The following TRABD2B variants were observed in gnomAD, a reference collection of about 807,000 sequenced individuals.
The protein encoded by TRABD2B is metalloprotease TIKI2.
TRABD2B carries 14 observed loss-of-function variants against 40.1 expected under a neutral mutation model. That is an observed-to-expected ratio of 0.35 (90% CI 0.23 to 0.55). The LOEUF is 0.55. Ranked by LOEUF, TRABD2B falls within the 20% of genes least tolerant of loss-of-function variation. The pLI is 0.90. For synonymous variants in TRABD2B, 263 were observed against 277.0 expected (o/e 0.95, Z 0.50); for missense variants, 541 against 648.6 (o/e 0.83, Z 1.80).
chr1:47,869,164 A>G (rs1644104912), intron 2 of TRABD2B, among the ~76,000 whole-genome samples: 2 of 152,196 alleles, frequency 1.3e-5, no homozygotes, highest in Admixed American at 1.3e-4. Context: ...CCTTGAGGGT[A>G]GGAACTGTCT....
intron 2 of TRABD2B, among the ~76,000 whole-genome samples, chr1:47,864,069 A>T (rs906226455): frequency 1.3e-5 from 2 of 152,220 alleles, no homozygotes; most frequent in East Asian, 3.8e-4. Context: ...GGAAACAATA[A>T]AAAGATCAGT....
chr1:47,886,061 G>A (rs1005482008), intron 2 of TRABD2B, among the ~76,000 whole-genome samples: 2 of 152,116 alleles, frequency 1.3e-5, no homozygotes, highest in African/African-American at 4.8e-5. Context: ...GAGAAACTGC[G>A]AAGTTCACTG....
At position 47,761,892 on chromosome 1, in the gene TRABD2B, CCTTT is replaced by C. The variant is rs1644247730; in HGVS notation, c.*4006_*4009del. 1 of 152,418 alleles carries C rather than the reference CCTTT, an allele frequency of 6.6e-6. No individual in the cohort carries two copies. Among genetic ancestry groups the C allele is most frequent in the East Asian group, 1.9e-4 (1 of 5,180 alleles). The allele number at this position is 152,418 out of a possible 1,614,324, so 9.4% of individuals were successfully genotyped here. A position where few individuals can be genotyped will look rare whatever the true frequency, so the allele number is the denominator to read the frequency against. ...CCCCTTCCTTCAGCTTCCTTCCCTT[CCTTT>C]CTCTCTCTACACATCTGTTGAGCAC... On this transcript the variant is annotated 3_prime_UTR_variant, in exon 7 of 7. Transcript: ENST00000606738.
intron 2 of TRABD2B, among the ~76,000 whole-genome samples, chr1:47,949,534 G>A (rs1458406210): frequency 1.3e-5 from 2 of 149,308 alleles, no homozygotes; most frequent in African/African-American, 4.9e-5. Flanking sequence ...CAGCCTTCCA[G>A]GTAGCTGGGA....
At chr1:47,822,237 C>T (rs751957890) in intron 2 of TRABD2B, among the ~76,000 whole-genome samples, 4 of 152,158 alleles carry the variant, frequency 2.6e-5, no homozygotes, top group Non-Finnish European at 5.9e-5. Flanking sequence ...CTACACATTG[C>T]TTTGGGCTCT....
At chr1:47,957,976 A>T (rs1393365337) in intron 2 of TRABD2B, among the ~76,000 whole-genome samples, 11 of 152,218 alleles carry the variant, frequency 7.2e-5, no homozygotes, top group Admixed American at 5.2e-4. Context: ...CGGGTTACCC[A>T]CAAAGGGAAG....
At chr1:47,918,076 T>C (rs939506142) in intron 2 of TRABD2B, among the ~76,000 whole-genome samples, 6 of 152,232 alleles carry the variant, frequency 3.9e-5, no homozygotes, top group African/African-American at 1.4e-4. Context: ...GAAAGCCTCC[T>C]ATGTACTCTG....
intron 2 of TRABD2B, among the ~76,000 whole-genome samples, chr1:47,976,712 G>A (rs1189180088): frequency 6.6e-6 from 1 of 152,186 alleles, no homozygotes; most frequent in Non-Finnish European, 1.5e-5. Flanking sequence ...GAGGTAGATA[G>A]GGATGGAATT....
At chr1:47,826,086 T>C (rs1383356530) in intron 2 of TRABD2B, among the ~76,000 whole-genome samples, 2 of 152,100 alleles carry the variant, frequency 1.3e-5, no homozygotes, top group African/African-American at 4.8e-5. Context: ...GCAAGTGAGG[T>C]TGGAAGGTCG....
intron 2 of TRABD2B, among the ~76,000 whole-genome samples, chr1:47,812,638 G>A (rs971828936): frequency 3.3e-5 from 5 of 152,314 alleles, no homozygotes; most frequent in Middle Eastern, 3.4e-3. Flanking sequence ...AGGATTGCCT[G>A]AGGCCAGGAG....
intron 2 of TRABD2B, among the ~76,000 whole-genome samples, chr1:47,982,041 T>C (rs1645848275): frequency 1.3e-5 from 2 of 152,186 alleles, no homozygotes; most frequent in Non-Finnish European, 2.9e-5. Flanking sequence ...CAGAGAGTAG[T>C]GGGAGACCAC....
chr1:47,763,743 A>G lies in TRABD2B; in HGVS notation c.*2159T>C, dbSNP rs1178795940. 6.6e-6 allele frequency: 1 copy of G among 152,244 alleles called. No homozygotes were observed. Among genetic ancestry groups the G allele is most frequent in the African/African-American group, 2.4e-5 (1 of 41,470 alleles). The allele number at this position is 152,244 out of a possible 1,614,324, so 9.4% of individuals were successfully genotyped here. ...TCTCACGCCATACTCTGCCCCAAACAGAGAGGAATCTGGCCTGTGTGCTTC... is the reference window on the plus strand; with the variant it reads ...TCTCACGCCATACTCTGCCCCAAACGGAGAGGAATCTGGCCTGTGTGCTTC... On this transcript the variant is annotated 3_prime_UTR_variant, in exon 7 of 7. Transcript: ENST00000606738.
At chr1:47,909,581 AGG>A (rs1644729010) in intron 2 of TRABD2B, among the ~76,000 whole-genome samples, 1 of 144,924 alleles carries the variant, frequency 6.9e-6, no homozygotes, top group Non-Finnish European at 1.5e-5. Context: ...GAGGAGGAGG[AGG>A]AGGAGGAGGA....
At chr1:47,882,013 C>A (rs894317688) in intron 2 of TRABD2B, among the ~76,000 whole-genome samples, 2 of 152,330 alleles carry the variant, frequency 1.3e-5, no homozygotes, top group East Asian at 3.9e-4. Flanking sequence ...CAACAGTAAT[C>A]CCTGCCATGT....
intron 2 of TRABD2B, among the ~76,000 whole-genome samples, chr1:47,823,696 A>G: frequency 6.6e-6 from 1 of 152,178 alleles, no homozygotes; most frequent in East Asian, 1.9e-4. Flanking sequence ...GCTGAACAGG[A>G]AGGCAGAGAC....
intron 2 of TRABD2B, among the ~76,000 whole-genome samples, chr1:47,830,494 C>T (rs1273947707): frequency 2.6e-5 from 4 of 152,210 alleles, no homozygotes; most frequent in African/African-American, 9.7e-5. Context: ...AGCCAAAGCA[C>T]CTTCATTCTC....
intron 2 of TRABD2B, among the ~76,000 whole-genome samples, chr1:47,856,556 C>A (rs534265493): frequency 1.3e-5 from 2 of 152,318 alleles, no homozygotes; most frequent in East Asian, 3.9e-4. Context: ...ACCAGCTTTG[C>A]CATCGTAGGA....
chr1:47,902,252 T>C (rs546969757), intron 2 of TRABD2B, among the ~76,000 whole-genome samples: 1 of 152,216 alleles, frequency 6.6e-6, no homozygotes, highest in Admixed American at 6.5e-5. Context: ...CTAACCCTTC[T>C]CCCATAACCA....
chr1:47,973,531 C>T (rs1645711567), intron 2 of TRABD2B, among the ~76,000 whole-genome samples: 1 of 152,156 alleles, frequency 6.6e-6, no homozygotes, highest in Non-Finnish European at 1.5e-5. Context: ...GTACTTGCTC[C>T]TCCTCCAGCC....
Sources: allele counts gnomAD v4.1 joint callset (sites outside exome capture counted in the v4.1 genomes callset), GRCh38; gene constraint gnomAD v4.1.1; transcripts MANE v1.5; gene names NCBI Gene and HGNC (gene_info 2026-07-23, HGNC 2026-07-21).